DLGAP4: variants seen among roughly 807,000 people sequenced by gnomAD.
DLGAP4 encodes DLG associated protein 4, also known as disks large-associated protein 4.
A neutral mutation model predicts 86.9 loss-of-function variants in DLGAP4; 18 were observed. The ratio of observed to expected loss-of-function variants is 0.21; its 90% CI spans 0.14 to 0.31. DLGAP4 has a LOEUF of 0.31. Among genes scored for constraint, DLGAP4 ranks in the 10% least tolerant of loss-of-function variants. DLGAP4 has a pLI of 1.00. For missense variants in DLGAP4, 1,085 were observed against 1,362.6 expected (o/e 0.80, Z 3.21); for synonymous variants, 548 against 574.3 (o/e 0.95, Z 0.65).
At chr20:36,433,274 T>C (rs1172257891) in intron 3 of DLGAP4, among the ~76,000 whole-genome samples, 1 of 152,234 alleles carries the variant, frequency 6.6e-6, no homozygotes, top group African/African-American at 2.4e-5. Flanking sequence ...GTCATGTCAG[T>C]GTCGGCAGAG....
In DLGAP4 at chr20:36,306,930, A is replaced by G. The variant is rs2065008377; in HGVS notation, c.-304+418A>G. On this transcript the variant is annotated intron_variant, in intron 1 of 12. Transcript: ENST00000339266. This position sits in a 1 kb window ranked among gnomAD's most constrained non-coding sequence, Gnocchi z 4.9. Reference sequence around the variant, plus strand: ...TAATCCGCAGGGCGGCCTGGGGGTCAGGCGGACCCCTCCCGTGCCCGGCCA... The same window carrying G: ...TAATCCGCAGGGCGGCCTGGGGGTCGGGCGGACCCCTCCCGTGCCCGGCCA... Among the ~76,000 whole-genome samples, 1 of 152,122 alleles carries G rather than the reference A, an allele frequency of 6.6e-6. No homozygotes were observed. Among genetic ancestry groups the G allele is most frequent in the African/African-American group, 2.4e-5 (1 of 41,434 alleles).
At chr20:36,354,899 C>A (rs2030274995) in intron 1 of DLGAP4, among the ~76,000 whole-genome samples, 1 of 152,090 alleles carries the variant, frequency 6.6e-6, no homozygotes. Flanking sequence ...CTATGATCAC[C>A]CCACTACACT....
chr20:36,385,166 T>C (rs527359547), intron 2 of DLGAP4, among the ~76,000 whole-genome samples: 15 of 152,162 alleles, frequency 9.9e-5, no homozygotes, highest in African/African-American at 3.1e-4. Flanking sequence ...CCCTCACCAC[T>C]AGCCCCACGA....
intron 1 of DLGAP4, among the ~76,000 whole-genome samples, chr20:36,316,911 C>T (rs1334631639): frequency 2.0e-5 from 3 of 152,160 alleles, no homozygotes; most frequent in African/African-American, 2.4e-5. Context: ...GCTGGTTGAC[C>T]GGCTGCCTGT....
At chr20:36,499,558 G>A (rs1488574131) in intron 8 of DLGAP4, 30 bp from the exon 9 acceptor site, 5 of 1,606,218 alleles carry the variant, frequency 3.1e-6, no homozygotes, top group East Asian at 2.2e-5. Flanking sequence ...CTTTGTCTCC[G>A]TGCCGTTGCT....
intron 7 of DLGAP4, among the ~76,000 whole-genome samples, chr20:36,469,614 G>A (rs1273633565): frequency 1.3e-5 from 2 of 151,998 alleles, no homozygotes; most frequent in African/African-American, 4.8e-5. Context: ...TTAGCCGAGC[G>A]TGGTGGAACA....
intron 7 of DLGAP4, among the ~76,000 whole-genome samples, chr20:36,462,916 G>A (rs1367703164): frequency 1.3e-5 from 2 of 151,922 alleles, no homozygotes; most frequent in Non-Finnish European, 2.9e-5. Context: ...TTTGGAGCCG[G>A]CAGGATGTGA....
chr20:36,313,088 T>C (rs1358960322), intron 1 of DLGAP4, among the ~76,000 whole-genome samples: 3 of 152,074 alleles, frequency 2.0e-5, no homozygotes, highest in Non-Finnish European at 4.4e-5. Flanking sequence ...GAGTCCTCAC[T>C]GCCCTCACCC....
intron 2 of DLGAP4, among the ~76,000 whole-genome samples, chr20:36,388,566 G>A (rs1267538021): frequency 6.6e-6 from 1 of 152,182 alleles, no homozygotes; most frequent in Non-Finnish European, 1.5e-5. Flanking sequence ...TGGCTTAGTG[G>A]CAGGCAGCGT....
At position 36,528,175 on chromosome 20, in the gene DLGAP4, C is replaced by CCG. The variant is rs1407051942; in HGVS notation, c.*1144_*1145insCG. 3.5e-5 allele frequency: 5 copies of CCG among 144,922 alleles called. No homozygotes were observed. The highest frequency in any genetic ancestry group is 1.1e-4 in the African/African-American group (4 of 36,044). The allele number at this position is 144,922 out of a possible 1,614,324, so 9.0% of individuals were successfully genotyped here. A position where few individuals can be genotyped will look rare whatever the true frequency, so the allele number is the denominator to read the frequency against. On this transcript the variant is annotated 3_prime_UTR_variant, in exon 13 of 13. Coordinates refer to ENST00000339266, the MANE Select transcript of DLGAP4 (RefSeq NM_001365621.2). ...TCTCCACCCCCCTCCCCCCGCCCCG[C>CCG]ACTCCTAAGGGCCCATCTGCCCAGC...
rs939943645 is a variant in DLGAP4, at chr20:36,351,709, G to A, written c.-303-15336G>A. On this transcript the variant is annotated intron_variant, in intron 1 of 12. Transcript: ENST00000339266. ...TTCCATGAAACCGGTTCCTGGTGGC[G>A]AAAAGGTTGGGGACCACTGCCCTAC... 8.5e-5 allele frequency among the ~76,000 whole-genome samples: 13 copies of A among 152,242 alleles called. No homozygotes were observed. The South Asian group carries it at 1.9e-3, about 22-fold the overall frequency.
intron 7 of DLGAP4, among the ~76,000 whole-genome samples, chr20:36,452,516 TC>T (rs1352670135): frequency 8.0e-5 from 12 of 150,146 alleles, no homozygotes; most frequent in African/African-American, 2.7e-4. Context: ...TTCTTGTAAA[TC>T]TTTTTTTTTT....
Position 36,496,965 on chromosome 20 carries a change from C to G in DLGAP4, c.1909C>G (p.Pro637Ala), listed in dbSNP as rs572894021. The change falls in exon 8 of 13, where the codon CCA becomes GCA. Residue 637 changes from proline (P) to alanine (A), a missense_variant. Around this residue, in one of 2 missense-constraint regions of DLGAP4, gnomAD observed 1,082 missense variants for 1,344.1 expected, o/e 0.81. Transcript: ENST00000339266. ...APAPEAPEPP[P>A]KHAALKSEQG... ...AGCCCCTGAGGCCCCAGAGCCACCC[C>G]CAAAACATGCAGCTCTGAAAAGTGA... 2 of 1,614,070 alleles carry G rather than the reference C, an allele frequency of 1.2e-6. No individual in the cohort carries two copies. The highest frequency in any genetic ancestry group is 1.7e-6 in the Non-Finnish European group (2 of 1,180,048).
intron 7 of DLGAP4, among the ~76,000 whole-genome samples, chr20:36,488,842 G>A (rs1427567116): frequency 2.0e-5 from 3 of 152,224 alleles, no homozygotes; most frequent in Non-Finnish European, 4.4e-5. Context: ...AAAGTGCTGG[G>A]ATTACAGGCG....
intron 1 of DLGAP4, among the ~76,000 whole-genome samples, chr20:36,335,699 C>T (rs2065314822): frequency 6.6e-6 from 1 of 152,208 alleles, no homozygotes; most frequent in Admixed American, 6.5e-5. Context: ...TTTGACCCGT[C>T]TTTGCCTTTG....
intron 7 of DLGAP4, among the ~76,000 whole-genome samples, chr20:36,475,341 GCTGGGAT>G (rs1329849850): frequency 6.6e-6 from 1 of 152,162 alleles, no homozygotes; most frequent in Non-Finnish European, 1.5e-5. Flanking sequence ...CTCCTGAGTA[GCTGGGAT>G]TACAGGCGCC....
At chr20:36,396,300 A>G in intron 2 of DLGAP4, among the ~76,000 whole-genome samples, 1 of 146,902 alleles carries the variant, frequency 6.8e-6, no homozygotes, top group East Asian at 2.0e-4. Flanking sequence ...TGATCATCCC[A>G]AACCCCTCAC....
intron 10 of DLGAP4, chr20:36,508,684 T>G (rs1274439446): frequency 1.3e-5 from 2 of 152,282 alleles, no homozygotes; most frequent in Non-Finnish European, 2.9e-5. Flanking sequence ...TGCCTTGGCC[T>G]CCCAAAGTGC....
At chr20:36,452,826 C>CTTTTTTTTTTTTTTTTTT (rs1233444372) in intron 7 of DLGAP4, among the ~76,000 whole-genome samples, 1 of 90,784 alleles carries the variant, frequency 1.1e-5, no homozygotes, top group African/African-American at 4.6e-5. Context: ...TTGTGTAAGT[C>CTTTTTTTTTTTTTTTTTT]TTTTTTTTTT....
Sources: allele counts gnomAD v4.1 joint callset (sites outside exome capture counted in the v4.1 genomes callset), GRCh38; gene constraint gnomAD v4.1.1; regional missense constraint gnomAD v4.1.1; non-coding constraint Gnocchi (gnomAD v3.1); transcripts MANE v1.5; gene names NCBI Gene and HGNC (gene_info 2026-07-23, HGNC 2026-07-21).